Variants in FAM107B observed in about 807,000 individuals in gnomAD.
FAM107B encodes the protein protein FAM107B.
In FAM107B, 21 loss-of-function variants were observed where a neutral mutation model predicts 31.5. That is an observed-to-expected ratio of 0.67 (90% CI 0.47 to 0.96). FAM107B has a LOEUF of 0.96. Ranked by LOEUF, FAM107B falls within the 40% of genes least tolerant of loss-of-function variation. The pLI is 0.00. For missense variants in FAM107B, 452 were observed against 377.1 expected (o/e 1.20, Z -1.64); for synonymous variants, 157 against 141.5 (o/e 1.11, Z -0.78).
intron 1 of FAM107B, among the ~76,000 whole-genome samples, chr10:14,738,603 A>C (rs1856364233): frequency 6.6e-6 from 1 of 152,160 alleles, no homozygotes; most frequent in South Asian, 2.1e-4. Flanking sequence ...CGCCACCTAA[A>C]AAAGGAGGTT....
intron 2 of FAM107B, chr10:14,548,385 A>G: frequency 1.0e-6 from 1 of 980,266 alleles, no homozygotes. Context: ...CAGGGGAGGT[A>G]CTTGTGCCCT....
intron 2 of FAM107B, among the ~76,000 whole-genome samples, chr10:14,568,570 C>A (rs1177558196): frequency 1.2e-5 from 1 of 81,104 alleles, no homozygotes. Flanking sequence ...TAAGAGGAGG[C>A]TGGCTGATGA....
chr10:14,687,204 A>G (rs1296878661), intron 1 of FAM107B, among the ~76,000 whole-genome samples: 1 of 152,206 alleles, frequency 6.6e-6, no homozygotes, highest in East Asian at 1.9e-4. Flanking sequence ...GTCAGGAGAC[A>G]CATGTTCCCG....
At chr10:14,682,129 CA>C (rs1353030496) in intron 1 of FAM107B, among the ~76,000 whole-genome samples, 6 of 152,138 alleles carry the variant, frequency 3.9e-5, no homozygotes, top group Non-Finnish European at 7.4e-5. Flanking sequence ...TTGTTTTACT[CA>C]AATATTTGGG....
At chr10:14,767,355 G>A (rs962056077) in intron 1 of FAM107B, among the ~76,000 whole-genome samples, 3 of 151,728 alleles carry the variant, frequency 2.0e-5, no homozygotes, top group African/African-American at 7.3e-5. Flanking sequence ...GCCTCCCGAA[G>A]TCCTGGGATT....
At chr10:14,569,349 A>G (rs1850985632) in intron 2 of FAM107B, among the ~76,000 whole-genome samples, 1 of 152,174 alleles carries the variant, frequency 6.6e-6, no homozygotes, top group African/African-American at 2.4e-5. Flanking sequence ...CATGAAAGGA[A>G]GGGGAGGGTA....
chr10:14,534,024 G>A (rs960870818), intron 2 of FAM107B, among the ~76,000 whole-genome samples: 1 of 152,154 alleles, frequency 6.6e-6, no homozygotes, highest in African/African-American at 2.4e-5. Context: ...GTTTTTCCGT[G>A]GGACAGTGTG....
intron 2 of FAM107B, among the ~76,000 whole-genome samples, chr10:14,657,523 G>C (rs1222766249): frequency 6.6e-6 from 1 of 151,994 alleles, no homozygotes; most frequent in African/African-American, 2.4e-5. Context: ...CCCCACCCCT[G>C]GTCACCAGAG....
At chr10:14,545,009 T>C (rs1848566309) in intron 2 of FAM107B, among the ~76,000 whole-genome samples, 1 of 152,192 alleles carries the variant, frequency 6.6e-6, no homozygotes, top group South Asian at 2.1e-4. Context: ...AATGCAAATA[T>C]CGGAGATGCA....
At chr10:14,648,832 A>G (rs552941285) in intron 2 of FAM107B, among the ~76,000 whole-genome samples, 16 of 152,348 alleles carry the variant, frequency 1.1e-4, no homozygotes, top group African/African-American at 3.8e-4. Flanking sequence ...ATAAATATTT[A>G]TCGAGGACTT....
chr10:14,767,324 TCATATGATTCACCCACGTCAG>T, intron 1 of FAM107B, among the ~76,000 whole-genome samples: 1 of 151,100 alleles, frequency 6.6e-6, no homozygotes, highest in South Asian at 2.2e-4. Flanking sequence ...ACTCCTGACC[TCATATGATTCACCCACGTCAG>T]CCTCCCGAAG....
intron 2 of FAM107B, among the ~76,000 whole-genome samples, chr10:14,628,120 T>TTTGTTTTTTTTGTTTTTTTTG (rs1564606164): frequency 2.4e-5 from 3 of 123,814 alleles, no homozygotes; most frequent in African/African-American, 1.0e-4. Flanking sequence ...TGGTTTTTTT[T>TTTGTTTTTTTTGTTTTTTTTG]TTTTTTTTTT....
At chr10:14,576,241 T>G (rs1851461188) in intron 2 of FAM107B, among the ~76,000 whole-genome samples, 1 of 152,174 alleles carries the variant, frequency 6.6e-6, no homozygotes, top group African/African-American at 2.4e-5. Flanking sequence ...AAAAAGCCAC[T>G]GAGTTGGCCA....
At chr10:14,644,711 A>G (rs989936649) in intron 2 of FAM107B, among the ~76,000 whole-genome samples, 14 of 152,266 alleles carry the variant, frequency 9.2e-5, no homozygotes, top group African/African-American at 3.4e-4. Context: ...TCCAAATAAA[A>G]TGATTGCAAA....
chr10:14,733,551 T>C (rs1412099206), intron 1 of FAM107B, among the ~76,000 whole-genome samples: 1 of 152,196 alleles, frequency 6.6e-6, no homozygotes, highest in African/African-American at 2.4e-5. Flanking sequence ...TGTCAAATGA[T>C]ATATCATGGG....
intron 2 of FAM107B, among the ~76,000 whole-genome samples, chr10:14,544,968 C>T (rs1359384947): frequency 1.3e-5 from 2 of 152,090 alleles, no homozygotes; most frequent in Admixed American, 6.5e-5. Flanking sequence ...TCCCAGGGTC[C>T]GAGGCATCGG....
At chr10:14,537,271 T>A (rs1389087471) in intron 2 of FAM107B, among the ~76,000 whole-genome samples, 4 of 152,172 alleles carry the variant, frequency 2.6e-5, no homozygotes, top group Non-Finnish European at 5.9e-5. Flanking sequence ...AAGGAATCCA[T>A]CTTGGAGCTG....
intron 2 of FAM107B, among the ~76,000 whole-genome samples, chr10:14,564,703 T>G (rs1381047960): frequency 6.6e-6 from 1 of 152,156 alleles, no homozygotes; most frequent in Non-Finnish European, 1.5e-5. Flanking sequence ...TTCCACCTGT[T>G]AGTGCCCAGA....
chr10:14,712,348 T>A (rs1855669476), intron 1 of FAM107B, among the ~76,000 whole-genome samples: 1 of 152,040 alleles, frequency 6.6e-6, no homozygotes, highest in South Asian at 2.1e-4. Context: ...CCCAACACTT[T>A]GGGAGGCTGA....
Sources: gnomAD v4.1 joint callset for allele counts (sites outside exome capture counted in the v4.1 genomes callset) on GRCh38, gnomAD v4.1.1 for gene constraint, MANE v1.5 for transcripts, NCBI Gene and HGNC (gene_info 2026-07-23, HGNC 2026-07-21) for gene names.